KCNQ5: variants seen among roughly 807,000 people sequenced by gnomAD.
KCNQ5 encodes the protein potassium voltage-gated channel subfamily KQT member 5.
Under a neutral mutation model 98.2 loss-of-function variants are expected in KCNQ5, and 30 were observed. The observed-to-expected ratio is 0.31, with a 90% confidence interval of 0.23 to 0.41. KCNQ5 has a LOEUF of 0.41. KCNQ5 is among the 10% of genes least tolerant of loss of function. The probability of loss-of-function intolerance (pLI) is 1.00; values close to 1 mark genes in which losing one functional copy is unlikely to be tolerated. For synonymous variants in KCNQ5, 458 were observed against 449.4 expected (o/e 1.02, Z -0.24); for missense variants, 835 against 1,182.5 (o/e 0.71, Z 4.31).
At chr6:72,754,844 A>G (rs1314929285) in intron 1 of KCNQ5, among the ~76,000 whole-genome samples, 2 of 152,060 alleles carry the variant, frequency 1.3e-5, no homozygotes, top group African/African-American at 2.4e-5. Context: ...CAAATTTTGT[A>G]TATCTTTACT....
At chr6:72,729,191 A>G (rs1458331302) in intron 1 of KCNQ5, among the ~76,000 whole-genome samples, 1 of 152,188 alleles carries the variant, frequency 6.6e-6, no homozygotes, top group African/African-American at 2.4e-5. Flanking sequence ...TCCATTACAG[A>G]TAATTGTTGC....
intron 1 of KCNQ5, among the ~76,000 whole-genome samples, chr6:72,982,412 C>A (rs1203620830): frequency 6.6e-6 from 1 of 151,214 alleles, no homozygotes; most frequent in African/African-American, 2.4e-5. Context: ...TATGTAATGG[C>A]CTTGTGTTCT....
At chr6:72,770,484 C>A (rs4707987) in intron 1 of KCNQ5, among the ~76,000 whole-genome samples, 1 of 151,846 alleles carries the variant, frequency 6.6e-6, no homozygotes, top group Admixed American at 6.6e-5. Flanking sequence ...AATACAATGA[C>A]GGTAAATATT....
At chr6:72,644,905 G>A (rs1282232451) in intron 1 of KCNQ5, among the ~76,000 whole-genome samples, 1 of 152,060 alleles carries the variant, frequency 6.6e-6, no homozygotes, top group African/African-American at 2.4e-5. Context: ...TCTGAATCAG[G>A]CTCCTGGAAA....
chr6:73,027,978 G>T (rs1770964692), intron 2 of KCNQ5, among the ~76,000 whole-genome samples: 2 of 152,252 alleles, frequency 1.3e-5, no homozygotes, highest in South Asian at 4.2e-4. Context: ...TATAAACCTA[G>T]TCTTTGAATA....
chr6:72,720,531 T>G (rs2154475339), intron 1 of KCNQ5, among the ~76,000 whole-genome samples: 1 of 152,210 alleles, frequency 6.6e-6, no homozygotes, highest in East Asian at 1.9e-4. Context: ...TAGATGGGGG[T>G]TTGACCTTGT....
chr6:72,661,038 C>T (rs1766496770), intron 1 of KCNQ5, among the ~76,000 whole-genome samples: 1 of 151,950 alleles, frequency 6.6e-6, no homozygotes, highest in South Asian at 2.1e-4. Context: ...ATATAAATTT[C>T]ATCCACTACC....
intron 10 of KCNQ5, 83 bp from the exon 11 acceptor site, chr6:73,169,663 G>A (rs947207308): frequency 4.8e-5 from 46 of 960,446 alleles, no homozygotes; most frequent in Admixed American, 1.2e-4. Flanking sequence ...TGAGTATCCC[G>A]CCATTTCCAC....
chr6:72,859,451 C>G (rs930276103), intron 1 of KCNQ5, among the ~76,000 whole-genome samples: 2 of 152,058 alleles, frequency 1.3e-5, no homozygotes, highest in Non-Finnish European at 2.9e-5. Context: ...TTGCCTATAT[C>G]ATACATCACT....
intron 11 of KCNQ5, among the ~76,000 whole-genome samples, chr6:73,171,947 G>C (rs1778030842): frequency 6.6e-6 from 1 of 152,192 alleles, no homozygotes; most frequent in Non-Finnish European, 1.5e-5. Flanking sequence ...CTATAAAAAG[G>C]ATTGTGAGCT....
intron 1 of KCNQ5, among the ~76,000 whole-genome samples, chr6:72,951,820 A>C (rs955220281): frequency 2.6e-5 from 4 of 152,332 alleles, no homozygotes; most frequent in South Asian, 2.1e-4. Context: ...CTCTTAGTAC[A>C]TGGCAAAGCT....
chr6:73,188,238 G>T (rs1461102669), intron 11 of KCNQ5, among the ~76,000 whole-genome samples: 1 of 152,130 alleles, frequency 6.6e-6, no homozygotes, highest in Non-Finnish European at 1.5e-5. Context: ...TGCTTGTTTT[G>T]GGGGGCAAGT....
chr6:72,833,733 C>G (rs896190213), intron 1 of KCNQ5, among the ~76,000 whole-genome samples: 47 of 151,754 alleles, frequency 3.1e-4, no homozygotes, highest in African/African-American at 1.1e-3. Flanking sequence ...GAGAAAACAA[C>G]AAATATTTAA....
chr6:73,046,599 C>T lies in KCNQ5; in HGVS notation c.616+4537C>T, dbSNP rs374481402. On this transcript the variant is annotated intron_variant, in intron 3 of 13. Transcript: ENST00000370398. Reference sequence around the variant, plus strand: ...ATTTATTTTATTTTATTTTACTTTACTTTATTTTATTCTATTTTATTTTAT... The same window carrying T: ...ATTTATTTTATTTTATTTTACTTTATTTTATTTTATTCTATTTTATTTTAT... Among the ~76,000 whole-genome samples, 305 of 72,282 alleles carry T rather than the reference C, an allele frequency of 4.2e-3. 2 individuals are homozygous for T. Among genetic ancestry groups the T allele is most frequent in the African/African-American group, 0.014 (256 of 18,500 alleles). The allele number at this position is 72,282 out of a possible 152,430, so 47.4% of individuals were successfully genotyped here.
At chr6:72,877,989 G>T (rs1778486444) in intron 1 of KCNQ5, among the ~76,000 whole-genome samples, 1 of 152,194 alleles carries the variant, frequency 6.6e-6, no homozygotes, top group Admixed American at 6.5e-5. Context: ...AAAATCCATA[G>T]GCCGGGTACA....
In KCNQ5 at chr6:72,622,674, G is replaced by A; in HGVS notation, c.398+87G>A. On this transcript the variant is annotated intron_variant, in intron 1 of 13. Coordinates refer to ENST00000370398, the MANE Select transcript of KCNQ5 (RefSeq NM_019842.4). The surrounding 1 kb of genome is among the most constrained non-coding windows in gnomAD (Gnocchi z 6.0). ...GCGTGCTCCGCGCTCGCGCCCTTGG[G>A]CCCCCGCGCGCGTGCACACGTGGTG... is the stretch of plus-strand genomic sequence containing the variant. The A allele has an allele frequency of 1.4e-6, 2 of 1,476,862 alleles. No individual in the cohort carries two copies. The highest frequency in any genetic ancestry group is 1.8e-6 in the Non-Finnish European group (2 of 1,086,074). 91.5% of individuals were successfully genotyped at this position (1,476,862 alleles called of 1,614,324 possible).
intron 10 of KCNQ5, chr6:73,158,272 T>TTTTTTG (rs1777461540): frequency 6.0e-6 from 1 of 167,704 alleles, no homozygotes; most frequent in Non-Finnish European, 1.2e-5. Flanking sequence ...TTTTTTTTTT[T>TTTTTTG]TTTTTTTTTT....
chr6:72,767,998 C>A (rs1772666920), intron 1 of KCNQ5, among the ~76,000 whole-genome samples: 3 of 151,922 alleles, frequency 2.0e-5, no homozygotes, highest in Admixed American at 2.0e-4. Flanking sequence ...AGACATATAT[C>A]CAAGAGAAAT....
intron 10 of KCNQ5, chr6:73,157,450 T>C (rs1777409552): frequency 1.5e-6 from 1 of 672,272 alleles, no homozygotes; most frequent in Non-Finnish European, 2.7e-6. Flanking sequence ...CGGTGGGAGC[T>C]CAGGGCGCCT....
Sources: gnomAD v4.1 joint callset for allele counts (sites outside exome capture counted in the v4.1 genomes callset) on GRCh38, gnomAD v4.1.1 for gene constraint, Gnocchi (gnomAD v3.1) non-coding constraint, MANE v1.5 for transcripts, NCBI Gene and HGNC (gene_info 2026-07-23, HGNC 2026-07-21) for gene names.